DHRS1: variants seen among roughly 807,000 people sequenced by gnomAD.
DHRS1 encodes dehydrogenase/reductase 1, also known as dehydrogenase/reductase SDR family member 1.
Under a neutral mutation model 35.2 loss-of-function variants are expected in DHRS1, and 34 were observed. The ratio of observed to expected loss-of-function variants is 0.97; its 90% CI spans 0.74 to 1.29. The LOEUF (loss-of-function observed/expected upper bound fraction) is 1.29, where lower values mean the gene tolerates loss of function less well. DHRS1 is among the 50% of genes most tolerant of loss of function. The pLI, the probability that DHRS1 is intolerant of heterozygous loss-of-function variation, is 0.00. For synonymous variants in DHRS1, 133 were observed against 160.0 expected (o/e 0.83, Z 1.27); for missense variants, 354 against 403.6 (o/e 0.88, Z 1.05).
At chr14:24,291,414 T>G (rs1278532524) in intron 7 of DHRS1, 142 bp downstream of exon 7, 1 of 1,095,080 alleles carries the variant, frequency 9.1e-7, no homozygotes, top group Non-Finnish European at 1.4e-6. Flanking sequence ...AAACTGGGAA[T>G]GCTGACCCCT....
intron 2 of DHRS1, among the ~76,000 whole-genome samples, chr14:24,298,250 C>T (rs2139105562): frequency 6.6e-6 from 1 of 152,282 alleles, no homozygotes; most frequent in South Asian, 2.1e-4. Flanking sequence ...CTGGGTCTAG[C>T]TATGTTGCCC....
rs767826944 is a variant in DHRS1 at position 24,290,870 on chromosome 14, T to C, written c.931A>G (p.Ser311Gly). 6.2e-7 allele frequency: 1 copy of C among 1,613,624 alleles called. No homozygotes were observed. Among genetic ancestry groups the C allele is most frequent in the African/African-American group, 1.3e-5 (1 of 74,858 alleles). Reference sequence around the variant, plus strand: ...TCAGACCAGGAGGGTTAGAACTTGCTAGTGTAGAGGGCAATAATCCACTTG... The same window carrying C: ...TCAGACCAGGAGGGTTAGAACTTGCCAGTGTAGAGGGCAATAATCCACTTG... Reference protein sequence around the residue: ...VPKWIIALYTSKF With the variant: ...VPKWIIALYTGKF The change falls in exon 9 of 9, where the codon AGC (serine) becomes GGC (glycine). Residue 311 changes from serine (S) to glycine (G), a missense_variant. Physicochemically the swap from Ser to Gly is moderately conservative, Grantham distance 56. Coordinates refer to ENST00000288111, the MANE Select transcript of DHRS1 (RefSeq NM_001136050.3).
intron 2 of DHRS1, chr14:24,298,716 A>C: frequency 6.9e-6 from 3 of 437,696 alleles, no homozygotes; most frequent in East Asian, 4.2e-5. Context: ...AGCTGCTGGG[A>C]CTGCAGGAAC....
At chr14:24,299,368 A>G in intron 1 of DHRS1, 1 of 391,720 alleles carries the variant, frequency 2.6e-6, no homozygotes, top group South Asian at 4.7e-5. Flanking sequence ...AGAGGTGGAC[A>G]ACTACTACAA....
At chr14:24,295,413 T>C (rs181174715) in intron 4 of DHRS1, among the ~76,000 whole-genome samples, 1 of 152,276 alleles carries the variant, frequency 6.6e-6, no homozygotes, top group Admixed American at 6.5e-5. Flanking sequence ...AGTAGAGTTA[T>C]AGTTTTAAAG....
intron 2 of DHRS1, among the ~76,000 whole-genome samples, chr14:24,297,499 C>T (rs1043877106): frequency 3.0e-4 from 45 of 152,192 alleles, no homozygotes; most frequent in African/African-American, 1.1e-3. Context: ...GGGTCCCCGC[C>T]TATTACCCTC....
chr14:24,291,671 C>T, intron 6 of DHRS1, 46 bp from the exon 7 acceptor site: 1 of 1,561,044 alleles, frequency 6.4e-7, no homozygotes, highest in South Asian at 1.1e-5. Context: ...TCCAAGAGCA[C>T]TGCCCAGGTC....
chr14:24,291,073 A>AGGT lies in DHRS1; in HGVS notation c.805+65_805+66insACC, dbSNP rs1555309863. 12 of 1,613,032 alleles carry AGGT rather than the reference A, an allele frequency of 7.4e-6. No individual in the cohort carries two copies. In the African/African-American group the frequency reaches 1.6e-4, roughly 22 times the overall value. On this transcript the variant is annotated intron_variant, in intron 8 of 8. Transcript: ENST00000288111. ...ACCCTCACCTTGGCTGGAGAGACCG[A>AGGT]GGGAGGAGTGGGCAGGGAACAGAGG...
In DHRS1 at chr14:24,296,978, A is replaced by G. The variant is rs920500463; in HGVS notation, c.151-97T>C. On this transcript the variant is annotated intron_variant, in intron 2 of 8. Coordinates refer to ENST00000288111, the MANE Select transcript of DHRS1 (RefSeq NM_001136050.3). Reference sequence around the variant, plus strand: ...AGTGGGCTTGAGAACTGAGAAGACAATCAATCCTAGGAGAGCCTGCTGCAG... The same window carrying G: ...AGTGGGCTTGAGAACTGAGAAGACAGTCAATCCTAGGAGAGCCTGCTGCAG... 157 of 1,544,326 alleles carry G rather than the reference A, an allele frequency of 1.0e-4. 3 individuals are homozygous for G. The South Asian group carries it at 1.2e-3, about 12-fold the overall frequency.
intron 4 of DHRS1, among the ~76,000 whole-genome samples, chr14:24,295,152 C>A (rs971744854): frequency 6.6e-6 from 1 of 152,082 alleles, no homozygotes; most frequent in African/African-American, 2.4e-5. Flanking sequence ...CATACATCCT[C>A]CCAATAGAAT....
intron 4 of DHRS1, chr14:24,294,292 A>G (rs1021469455): frequency 3.3e-5 from 5 of 152,142 alleles, no homozygotes; most frequent in African/African-American, 1.2e-4. Flanking sequence ...CTGTGTATAT[A>G]AAGAGCAGGG....
intron 4 of DHRS1, chr14:24,293,081 GTA>G: frequency 2.7e-6 from 1 of 370,492 alleles, no homozygotes; most frequent in Non-Finnish European, 4.9e-6. Context: ...CTTAAGAAAT[GTA>G]TAGTGTCTAC....
intron 3 of DHRS1, 46 bp downstream of exon 3, chr14:24,296,692 G>C: frequency 6.2e-7 from 1 of 1,614,082 alleles, no homozygotes; most frequent in Non-Finnish European, 8.5e-7. Context: ...AGGGGTCTGA[G>C]GGGGAGGTCA....
chr14:24,296,993 G>C (rs537683739), intron 2 of DHRS1, 112 bp from the exon 3 acceptor site: 10 of 1,453,952 alleles, frequency 6.9e-6, no homozygotes, highest in African/African-American at 5.6e-5. Context: ...TCCTAGGAGA[G>C]CCTGCTGCAG....
chr14:24,295,626 T>C (rs370390267), intron 4 of DHRS1, among the ~76,000 whole-genome samples: 2 of 152,154 alleles, frequency 1.3e-5, no homozygotes. Flanking sequence ...GAGATGAGGG[T>C]GTGGAAGGCA....
At position 24,292,789 on chromosome 14, in the gene DHRS1, A is replaced by C; in HGVS notation, c.375-5T>G. On this transcript the variant is annotated splice_region_variant and splice_polypyrimidine_tract_variant and intron_variant, in intron 4 of 8. Transcript: ENST00000288111. Reference sequence around the variant, plus strand: ...ACTGAGCAAAAGTAGTGGCCTCTAGAAGGTGGGGCAAGGGAAGAAGGAATG... The same window carrying C: ...ACTGAGCAAAAGTAGTGGCCTCTAGCAGGTGGGGCAAGGGAAGAAGGAATG... 6.2e-7 allele frequency: 1 copy of C among 1,609,400 alleles called. No individual in the cohort carries two copies. The highest frequency in any genetic ancestry group is 8.5e-7 in the Non-Finnish European group (1 of 1,178,004).
intron 6 of DHRS1, 96 bp from the exon 7 acceptor site, chr14:24,291,721 A>G (rs2041161354): frequency 1.1e-5 from 15 of 1,329,228 alleles, no homozygotes; most frequent in Admixed American, 5.1e-5. Flanking sequence ...GAAAAAGACC[A>G]AAGACCAAAG....
chr14:24,293,956 G>C (rs986568523), intron 4 of DHRS1: 1 of 152,182 alleles, frequency 6.6e-6, no homozygotes, highest in South Asian at 2.1e-4. Flanking sequence ...ATGTGAGAAC[G>C]CAATGTATTA....
At chr14:24,296,920 T>A in intron 2 of DHRS1, 39 bp from the exon 3 acceptor site, 1 of 1,612,310 alleles carries the variant, frequency 6.2e-7, no homozygotes, top group South Asian at 1.1e-5. Flanking sequence ...CATTCACACA[T>A]GGGTGTGAGT....
Sources: gnomAD v4.1 joint callset for allele counts (sites outside exome capture counted in the v4.1 genomes callset) on GRCh38, gnomAD v4.1.1 for gene constraint, MANE v1.5 for transcripts, NCBI Gene and HGNC (gene_info 2026-07-23, HGNC 2026-07-21) for gene names.